The following UBOX5 variants were observed in gnomAD, a reference collection of about 807,000 sequenced individuals.
UBOX5 encodes the protein RING finger protein 37.
Under a neutral mutation model 39.0 loss-of-function variants are expected in UBOX5, and 28 were observed. That is an observed-to-expected ratio of 0.72 (90% confidence interval 0.53 to 0.98). UBOX5 has a LOEUF of 0.98. UBOX5 is among the 50% of genes least tolerant of loss of function. The pLI is 0.00. For synonymous variants in UBOX5, 283 were observed against 275.5 expected, an observed-to-expected ratio of 1.03 and a Z score of -0.27; for missense variants, 585 against 674.4, an observed-to-expected ratio of 0.87 and a Z score of 1.47.
chr20:3,156,927 G>A (rs2066691957), intron 1 of UBOX5: 2 of 152,070 alleles, frequency 1.3e-5, no homozygotes, highest in Admixed American at 1.3e-4. Flanking sequence ...CCCTATTCTT[G>A]TCTCAGCAAA....
At chr20:3,112,785 C>T (rs940030820) in intron 4 of UBOX5, among the ~76,000 whole-genome samples, 3 of 151,802 alleles carry the variant, frequency 2.0e-5, no homozygotes, top group South Asian at 2.1e-4. Flanking sequence ...ACCAACATAG[C>T]GAAACCCCGT....
At chr20:3,110,369 A>G (rs934887699) in intron 4 of UBOX5, 55 bp from the exon 5 acceptor site, 8 of 1,601,402 alleles carry the variant, frequency 5.0e-6, no homozygotes, top group Middle Eastern at 1.8e-4. Flanking sequence ...TCCATGGTCC[A>G]GGCTGCTCTG....
chr20:3,118,615 T>TA (rs1383285762), intron 3 of UBOX5, among the ~76,000 whole-genome samples: 25 of 151,782 alleles, frequency 1.6e-4, no homozygotes, highest in African/African-American at 5.6e-4. Flanking sequence ...CTAAAAGTAT[T>TA]AAAAAAATTA....
chr20:3,130,800 C>A (rs1385343504), intron 1 of UBOX5, among the ~76,000 whole-genome samples: 1 of 149,826 alleles, frequency 6.7e-6, no homozygotes, highest in Non-Finnish European at 1.5e-5. Context: ...TTTTTACAAT[C>A]CTATTATCTC....
intron 1 of UBOX5, among the ~76,000 whole-genome samples, chr20:3,145,813 A>T (rs987191920): frequency 2.6e-5 from 4 of 152,092 alleles, no homozygotes; most frequent in African/African-American, 9.7e-5. Flanking sequence ...TGGGAGGCCA[A>T]GGTGAGTGGA....
intron 1 of UBOX5, among the ~76,000 whole-genome samples, chr20:3,156,187 T>A (rs2122131816): frequency 6.6e-6 from 1 of 151,194 alleles, no homozygotes; most frequent in East Asian, 1.9e-4. Context: ...TTTTTTTTTT[T>A]TTTTTTGAGA....
In UBOX5 at chr20:3,121,400, A is replaced by C; in HGVS notation, c.1239T>G (p.His413Gln). 6.2e-7 allele frequency: 1 copy of C among 1,612,660 alleles called. No homozygotes were observed. Residue 413 changes from histidine (H) to glutamine (Q), a missense_variant, in exon 3 of 5, where the codon CAT (histidine) becomes CAG (glutamine). Physicochemically the swap from His to Gln is conservative, Grantham distance 24 (BLOSUM62 0). Transcript: ENST00000217173. ...CTGAATTACCTGTCGAGCAGTCCATATGTGTCAGGCTGGGCTCATTGGTGG... is the reference window on the plus strand; with the variant it reads ...CTGAATTACCTGTCGAGCAGTCCATCTGTGTCAGGCTGGGCTCATTGGTGG... ...MKATNEPSLT[H>Q]MDCSTGPLSH...
intron 1 of UBOX5, among the ~76,000 whole-genome samples, chr20:3,158,215 TC>T (rs1230572537): frequency 3.3e-5 from 5 of 152,064 alleles, no homozygotes; most frequent in African/African-American, 1.2e-4. Context: ...AAGTAATCCT[TC>T]CACTTCGGCC....
At chr20:3,119,318 T>C (rs1056470968) in intron 3 of UBOX5, among the ~76,000 whole-genome samples, 8 of 152,102 alleles carry the variant, frequency 5.3e-5, no homozygotes, top group Non-Finnish European at 1.2e-4. Flanking sequence ...CTTGCAACAA[T>C]GATGTGGGTG....
At chr20:3,121,343 A>AG (rs779954798) in intron 3 of UBOX5, 41 bp downstream of exon 3, 2 of 1,570,072 alleles carry the variant, frequency 1.3e-6, no homozygotes, top group Admixed American at 3.6e-5. Flanking sequence ...CCTGGGAAGG[A>AG]GATGGATGAG....
At chr20:3,123,860 C>A (rs1378169516) in intron 1 of UBOX5, among the ~76,000 whole-genome samples, 2 of 152,138 alleles carry the variant, frequency 1.3e-5, no homozygotes, top group African/African-American at 2.4e-5. Flanking sequence ...AAAATGAAAA[C>A]AATGAGTCAA....
At chr20:3,119,628 C>T (rs374628823) in intron 3 of UBOX5, among the ~76,000 whole-genome samples, 9 of 151,870 alleles carry the variant, frequency 5.9e-5, no homozygotes, top group South Asian at 2.1e-4. Context: ...CTGAGGTGGG[C>T]GAATCACCTG....
In UBOX5 at chr20:3,122,462, A is replaced by G; in HGVS notation, c.177T>C (p.Phe59=). Residue 59 remains phenylalanine, a synonymous_variant, in exon 3 of 5, where the codon TTT becomes TTC. Coordinates refer to ENST00000217173, the MANE Select transcript of UBOX5 (RefSeq NM_014948.4). Reference sequence around the variant, plus strand: ...TGTTGATCCTACAGATTTCCACATTAAAGGGAAATGAAACTGTCACATAGA... The same window carrying G: ...TGTTGATCCTACAGATTTCCACATTGAAGGGAAATGAAACTGTCACATAGA... ...PPVYVTVSFP[F]NVEICRINID... The G allele has an allele frequency of 6.2e-7, 1 of 1,614,206 alleles. No homozygotes were observed. Among genetic ancestry groups the G allele is most frequent in the Non-Finnish European group, 8.5e-7 (1 of 1,180,038 alleles).
At chr20:3,158,113 G>GT (rs1243079501) in intron 1 of UBOX5, among the ~76,000 whole-genome samples, 7 of 151,492 alleles carry the variant, frequency 4.6e-5, no homozygotes, top group African/African-American at 9.7e-5. Flanking sequence ...GCTACATTTT[G>GT]TTTTTTTGTG....
At position 3,115,416 on chromosome 20, in the gene UBOX5, C is replaced by T. The variant is rs965169684; in HGVS notation, c.1306G>A (p.Ala436Thr). ...GAGGGCATAGAGCCAAGGGTGGATG[C>T]CAAGGCAATTTCCAAGCTTTGTGAC... ...KLSQSLEIAL[A>T]STLGSMPSFT... is the part of the protein sequence containing the mutation. Residue 436 changes from alanine to threonine, a missense_variant, in exon 4 of 5, where the codon GCA becomes ACA. Ala to Thr is a moderately conservative substitution (Grantham distance 58). Coordinates refer to ENST00000217173, the MANE Select transcript of UBOX5 (RefSeq NM_014948.4). 6.2e-7 allele frequency: 1 copy of T among 1,614,038 alleles called. No individual in the cohort carries two copies. The highest frequency in any genetic ancestry group is 8.5e-7 in the Non-Finnish European group (1 of 1,179,982).
intron 1 of UBOX5, among the ~76,000 whole-genome samples, chr20:3,143,979 T>G (rs2148615707): frequency 6.6e-6 from 1 of 151,962 alleles, no homozygotes; most frequent in South Asian, 2.1e-4. Flanking sequence ...AACAAAAAAC[T>G]AAGAAAATGT....
At chr20:3,133,748 AT>A (rs551137814) in intron 1 of UBOX5, among the ~76,000 whole-genome samples, 11 of 115,796 alleles carry the variant, frequency 9.5e-5, no homozygotes, top group African/African-American at 2.7e-4. Context: ...TTTTTTTCTT[AT>A]TTTTTTTGGG....
At chr20:3,112,503 C>A (rs1013859324) in intron 4 of UBOX5, among the ~76,000 whole-genome samples, 2 of 150,970 alleles carry the variant, frequency 1.3e-5, no homozygotes, top group African/African-American at 4.9e-5. Flanking sequence ...AAGTATATAA[C>A]TGCAAACTGA....
rs781197567 is a variant in UBOX5 at position 3,110,219 on chromosome 20, C to T, written c.1513G>A (p.Gly505Ser). The change falls in exon 5 of 5, where the codon GGC becomes AGC. Residue 505 changes from glycine to serine, a missense_variant. Physicochemically the swap from Gly to Ser is moderately conservative, Grantham distance 56. Transcript: ENST00000217173. ...KKEPVYQLPC[G>S]HLLCRPCLGE... ...AGGCAGGGTCGGCACAGGAGGTGGC[C>T]GCAGGGCAGCTGGTACACCGGCTCC... The T allele has an allele frequency of 1.8e-5, 29 of 1,613,880 alleles. No individual in the cohort carries two copies. The highest frequency in any genetic ancestry group is 2.3e-5 in the Non-Finnish European group (27 of 1,180,012).
Sources: allele counts gnomAD v4.1 joint callset (sites outside exome capture counted in the v4.1 genomes callset), GRCh38; gene constraint gnomAD v4.1.1; transcripts MANE v1.5; gene names NCBI Gene and HGNC (gene_info 2026-07-23, HGNC 2026-07-21).